CD59: variants seen among roughly 807,000 people sequenced by gnomAD.
CD59 encodes the protein CD59 molecule (CD59 blood group).
In CD59, 3 loss-of-function variants were observed where a neutral mutation model predicts 7.0. The ratio of observed to expected loss-of-function variants is 0.43; its 90% confidence interval spans 0.19 to 1.10. The LOEUF (loss-of-function observed/expected upper bound fraction) is 1.10. CD59 is among the 50% of genes least tolerant of loss of function. CD59 has a pLI of 0.29. For missense variants in CD59, 143 were observed against 151.0 expected (o/e 0.95, Z 0.28); for synonymous variants, 60 against 62.0 (o/e 0.97, Z 0.15).
chr11:33,721,967 C>T (rs988745254), intron 2 of CD59, among the ~76,000 whole-genome samples: 6 of 151,716 alleles, frequency 4.0e-5, no homozygotes, highest in Admixed American at 3.9e-4. Context: ...GTCACTATGA[C>T]CATCATCATC....
upstream of CD59, chr11:33,736,460 AGGCTCCGCCCCCC>A (rs1564981595): frequency 6.6e-6 from 1 of 152,490 alleles, no homozygotes; most frequent in African/African-American, 2.4e-5. This position sits in a 1 kb window ranked among gnomAD's most constrained non-coding sequence, Gnocchi z 4.4. Context: ...CCAGCCCGCA[AGGCTCCGCCCCCC>A]GGCCCCGCCC....
intron 2 of CD59, among the ~76,000 whole-genome samples, chr11:33,722,127 C>T (rs1277229231): frequency 3.3e-5 from 5 of 152,096 alleles, no homozygotes; most frequent in Admixed American, 1.3e-4. Context: ...AAACTTCAGC[C>T]GCCGATTGTT....
intron 1 of CD59, among the ~76,000 whole-genome samples, chr11:33,729,460 T>C (rs1447613593): frequency 6.7e-6 from 1 of 149,592 alleles, no homozygotes; most frequent in Non-Finnish European, 1.5e-5. Flanking sequence ...CAGTGGGAGT[T>C]AAACAATGAG....
chr11:33,734,839 AT>A (rs1194004311), intron 1 of CD59, among the ~76,000 whole-genome samples: 1 of 152,132 alleles, frequency 6.6e-6, no homozygotes, highest in Non-Finnish European at 1.5e-5. Context: ...GTGGCCCAGA[AT>A]TTTCCATGCT....
intron 1 of CD59, chr11:33,722,998 A>C (rs1345555339): frequency 9.8e-7 from 1 of 1,018,324 alleles, no homozygotes; most frequent in Non-Finnish European, 1.2e-6. Context: ...AGAGGTATTG[A>C]GCAACTTTGT....
At chr11:33,721,894 C>A (rs772782557) in intron 2 of CD59, among the ~76,000 whole-genome samples, 1 of 152,196 alleles carries the variant, frequency 6.6e-6, no homozygotes, top group South Asian at 2.1e-4. Flanking sequence ...AGCAAATACA[C>A]GTAAAATGCT....
At chr11:33,724,670 C>A (rs1854200366) in intron 1 of CD59, among the ~76,000 whole-genome samples, 1 of 151,958 alleles carries the variant, frequency 6.6e-6, no homozygotes. Flanking sequence ...GGTGAGGAAG[C>A]CAGAGAAACA....
At chr11:33,722,796 T>G in intron 1 of CD59, 1 of 988,194 alleles carries the variant, frequency 1.0e-6, no homozygotes, top group Non-Finnish European at 1.3e-6. Flanking sequence ...CCCAAGCTGC[T>G]GGCTGAAAGA....
At chr11:33,722,661 G>A in intron 1 of CD59, 198 bp from the exon 2 acceptor site, 1 of 1,413,334 alleles carries the variant, frequency 7.1e-7, no homozygotes, top group African/African-American at 1.4e-5. Context: ...GTCCCTATAA[G>A]CCCCAGTGTG....
chr11:33,730,982 G>C (rs776621567), intron 1 of CD59, among the ~76,000 whole-genome samples: 1 of 152,124 alleles, frequency 6.6e-6, no homozygotes, highest in Non-Finnish European at 1.5e-5. Context: ...AACTGTAATG[G>C]ATTTTCTCTT....
At chr11:33,722,624 A>G (rs1854121816) in intron 1 of CD59, 161 bp from the exon 2 acceptor site, 21 of 1,495,874 alleles carry the variant, frequency 1.4e-5, no homozygotes, top group Middle Eastern at 1.9e-4. Flanking sequence ...TCTGACCCAC[A>G]GCACCATATA....
rs376467600 is a variant in CD59 at position 33,717,359 on chromosome 11, G to T, written c.169+11C>A. 1 of 1,571,514 alleles carries T rather than the reference G, an allele frequency of 6.4e-7. No individual in the cohort carries two copies. The highest frequency in any genetic ancestry group is 1.4e-5 in the African/African-American group (1 of 73,992). On this transcript the variant is annotated intron_variant, in intron 3 of 3. Transcript: ENST00000642928. ...CATTACATTTAGGAGACAGACAGGGGAGGCTCTTACCAGCTTTGGTAATGA... is the reference window on the plus strand; with the variant it reads ...CATTACATTTAGGAGACAGACAGGGTAGGCTCTTACCAGCTTTGGTAATGA...
At position 33,708,053 on chromosome 11, in the gene CD59, A is replaced by G. The variant is rs1479145286; in HGVS notation, c.*2073T>C. ...AGGCTGACTCACTGCAGTTGGCACT[A>G]ATTTTCTATTGCCACAGCCCTCTCC... On this transcript the variant is annotated 3_prime_UTR_variant, in exon 4 of 4. Transcript: ENST00000642928. 6.6e-6 allele frequency: 1 copy of G among 152,166 alleles called. No individual in the cohort carries two copies. The highest frequency in any genetic ancestry group is 2.4e-5 in the African/African-American group (1 of 41,400). 9.4% of individuals were successfully genotyped at this position (152,166 alleles called of 1,614,324 possible). A position where few individuals can be genotyped will look rare whatever the true frequency, so the allele number is the denominator to read the frequency against.
At chr11:33,733,839 A>T (rs759902977) in intron 1 of CD59, among the ~76,000 whole-genome samples, 5 of 152,200 alleles carry the variant, frequency 3.3e-5, no homozygotes, top group African/African-American at 4.8e-5. Flanking sequence ...CACAAGATTC[A>T]CAGTTGCCCA....
intron 2 of CD59, among the ~76,000 whole-genome samples, chr11:33,721,478 T>C (rs908893566): frequency 1.3e-5 from 2 of 152,336 alleles, no homozygotes; most frequent in African/African-American, 4.8e-5. Flanking sequence ...GCTCACTGTA[T>C]TGCCACTTTC....
rs1853249431 is a variant in CD59, at chr11:33,704,940, T to C, written c.*5186A>G. On this transcript the variant is annotated 3_prime_UTR_variant, in exon 4 of 4. Transcript: ENST00000642928. ...ATTAACCATTGTGTTGGTCTGGACT[T>C]GGGGGTGCAGGCATTCCCATCTCCC... The C allele has an allele frequency of 6.6e-6, 1 of 152,494 alleles. No individual in the cohort carries two copies. The highest frequency in any genetic ancestry group is 2.1e-4 in the South Asian group (1 of 4,832). The allele number at this position is 152,494 out of a possible 1,614,324, so 9.4% of individuals were successfully genotyped here. A position where few individuals can be genotyped will look rare whatever the true frequency, so the allele number is the denominator to read the frequency against.
At chr11:33,713,428 A>C (rs1197889106) in intron 3 of CD59, among the ~76,000 whole-genome samples, 1 of 152,252 alleles carries the variant, frequency 6.6e-6, no homozygotes, top group East Asian at 1.9e-4. Context: ...TTATAACTGC[A>C]GGCATAACTG....
intron 2 of CD59, among the ~76,000 whole-genome samples, chr11:33,720,453 C>A (rs1012458723): frequency 6.6e-6 from 1 of 152,224 alleles, no homozygotes; most frequent in Non-Finnish European, 1.5e-5. Flanking sequence ...AATCCCAACA[C>A]TTTGGCAGGC....
At chr11:33,721,991 A>C (rs1343728260) in intron 2 of CD59, among the ~76,000 whole-genome samples, 1 of 149,542 alleles carries the variant, frequency 6.7e-6, no homozygotes, top group Non-Finnish European at 1.5e-5. Flanking sequence ...AAAACACAGG[A>C]GGAGCCTCAG....
Sources: gnomAD v4.1 joint callset for allele counts (sites outside exome capture counted in the v4.1 genomes callset) on GRCh38, gnomAD v4.1.1 for gene constraint, Gnocchi (gnomAD v3.1) non-coding constraint, MANE v1.5 for transcripts, NCBI Gene and HGNC (gene_info 2026-07-23, HGNC 2026-07-21) for gene names.